COL5A1: variants seen among roughly 807,000 people sequenced by gnomAD.
COL5A1 encodes collagen alpha-1(V) chain.
In COL5A1, 16 loss-of-function variants were observed where a neutral mutation model predicts 263.7. The ratio of observed to expected loss-of-function variants is 0.06; its 90% confidence interval spans 0.04 to 0.09. COL5A1 has a LOEUF of 0.09. Among genes scored for constraint, COL5A1 ranks in the 10% least tolerant of loss-of-function variants. The probability of loss-of-function intolerance (pLI) is 1.00; values close to 1 mark genes in which losing one functional copy is unlikely to be tolerated. For missense variants in COL5A1, 2,036 were observed against 2,540.5 expected (o/e 0.80, Z 4.27); for synonymous variants, 1,012 against 1,004.5 (o/e 1.01, Z -0.14).
chr9:134,678,171 G>C lies in COL5A1; in HGVS notation c.110-12741G>C, dbSNP rs968120210. On this transcript the variant is annotated intron_variant, in intron 1 of 65. Transcript: ENST00000371817. The surrounding 1 kb of genome is among the most constrained non-coding windows in gnomAD (Gnocchi z 5.5). ...CAGAGGAAAGATTTTGGACCCAAAT[G>C]GATGCTGTCTGAAACTCAGGTGGTC... Among the ~76,000 whole-genome samples the C allele has an allele frequency of 6.6e-6, 1 of 152,224 alleles. No homozygotes were observed. Among genetic ancestry groups the C allele is most frequent in the African/African-American group, 2.4e-5 (1 of 41,452 alleles).
intron 23 of COL5A1, 76 bp downstream of exon 23, chr9:134,767,129 A>G: frequency 6.5e-7 from 1 of 1,546,172 alleles, no homozygotes; most frequent in South Asian, 1.1e-5. Flanking sequence ...GAGCCCTGGG[A>G]GGAAGCGGGG....
At chr9:134,771,200 G>A (rs927147947) in intron 25 of COL5A1, among the ~76,000 whole-genome samples, 4 of 152,264 alleles carry the variant, frequency 2.6e-5, no homozygotes, top group African/African-American at 7.2e-5. Flanking sequence ...GTCCAGAGCC[G>A]GGCTCTCGGC....
chr9:134,758,193 TC>T lies in COL5A1; in HGVS notation c.1882-48del. On this transcript the variant is annotated intron_variant, in intron 17 of 65. Transcript: ENST00000371817. The surrounding 1 kb of genome is among the most constrained non-coding windows in gnomAD (Gnocchi z 4.1). ...ACTTGGTGGACACCAAGGCGGGGTG[TC>T]CACGTGTGCAGGGTGGCGTCTGAGG... 1 of 1,603,544 alleles carries T rather than the reference TC, an allele frequency of 6.2e-7. No individual in the cohort carries two copies. The highest frequency in any genetic ancestry group is 8.5e-7 in the Non-Finnish European group (1 of 1,170,928).
chr9:134,654,516 G>T (rs1831850560), intron 1 of COL5A1, among the ~76,000 whole-genome samples: 1 of 128,752 alleles, frequency 7.8e-6, no homozygotes, highest in African/African-American at 3.0e-5. Flanking sequence ...TAGGGCTGGA[G>T]GTGTGCAGGG....
chr9:134,811,260 C>A (rs1838510972), intron 44 of COL5A1, 79 bp from the exon 45 acceptor site: 3 of 1,339,796 alleles, frequency 2.2e-6, no homozygotes, highest in Non-Finnish European at 3.2e-6. Flanking sequence ...AGTCCCCGGG[C>A]TCAGGATGCG....
At chr9:134,730,957 G>T (rs551285569) in intron 7 of COL5A1, among the ~76,000 whole-genome samples, 1 of 152,328 alleles carries the variant, frequency 6.6e-6, no homozygotes, top group East Asian at 1.9e-4. Flanking sequence ...AGCTCTGCCC[G>T]AGACCTTGGA....
Position 134,690,323 on chromosome 9 carries a change from A to T in COL5A1, c.110-589A>T, listed in dbSNP as rs546575682. ...CAGGTGGATAATGACGGGGGGATAA[A>T]CTAGGCCAGTGACATCCCCGTGACC... is the stretch of plus-strand genomic sequence containing the variant. On this transcript the variant is annotated intron_variant, in intron 1 of 65. Coordinates refer to ENST00000371817, the MANE Select transcript of COL5A1 (RefSeq NM_000093.5). Among the ~76,000 whole-genome samples, 557 of 152,184 alleles carry T rather than the reference A, an allele frequency of 3.7e-3. 5 individuals are homozygous for T. Among genetic ancestry groups the T allele is most frequent in the Non-Finnish European group, 6.5e-3 (441 of 68,004 alleles).
rs148288567 is a variant in COL5A1 at position 134,730,455 on chromosome 9, G to A, written c.1144G>A (p.Asp382Asn). 15 of 1,613,968 alleles carry A rather than the reference G, an allele frequency of 9.3e-6. No homozygotes were observed. The highest frequency in any genetic ancestry group is 3.3e-5 in the South Asian group (3 of 91,086). Reference sequence around the variant, plus strand: ...GGCCGAAATTCCCACCAGCACCGCCGACACCTCCAACTCCTCCAATGTAAT... The same window carrying A: ...GGCCGAAATTCCCACCAGCACCGCCAACACCTCCAACTCCTCCAATGTAAT... ...AGAEIPTSTA[D>N]TSNSSNPAPP... is the part of the protein sequence containing the mutation. The change falls in exon 7 of 66, where the codon GAC (aspartate) becomes AAC (asparagine). Residue 382 changes from aspartate to asparagine, a missense_variant. Asp to Asn is a conservative substitution (Grantham distance 23, BLOSUM62 1). Transcript: ENST00000371817.
Position 134,696,863 on chromosome 9 carries a change from G to A in COL5A1, c.278-3046G>A, listed in dbSNP as rs1182136357. ...AGGCAGGCGGATCACGAGGTCAGGAGATCGAGACCATCCTGGCTAACACGG... is the reference window on the plus strand; with the variant it reads ...AGGCAGGCGGATCACGAGGTCAGGAAATCGAGACCATCCTGGCTAACACGG... On this transcript the variant is annotated intron_variant, in intron 2 of 65. Transcript: ENST00000371817. This position sits in a 1 kb window ranked among gnomAD's most constrained non-coding sequence, Gnocchi z 4.3. 6.6e-6 allele frequency among the ~76,000 whole-genome samples: 1 copy of A among 152,162 alleles called. No individual in the cohort carries two copies. The highest frequency in any genetic ancestry group is 2.4e-5 in the African/African-American group (1 of 41,426).
Position 134,818,827 on chromosome 9 carries a change from C to A in COL5A1, c.4339-21C>A, listed in dbSNP as rs951884967. On this transcript the variant is annotated intron_variant, in intron 55 of 65. Transcript: ENST00000371817. This position sits in a 1 kb window ranked among gnomAD's most constrained non-coding sequence, Gnocchi z 6.0. ...AGGGACGGGGGACCAGCAACTCATG[C>A]AGAGCGTCTCTGTGTTTCAGGGAGA... The A allele has an allele frequency of 4.3e-6, 7 of 1,613,130 alleles. No individual in the cohort carries two copies. Among genetic ancestry groups the A allele is most frequent in the Non-Finnish European group, 3.4e-6 (4 of 1,179,862 alleles).
At position 134,815,594 on chromosome 9, in the gene COL5A1, G is replaced by A; in HGVS notation, c.4033G>A (p.Gly1345Arg). 1 of 1,613,748 alleles carries A rather than the reference G, an allele frequency of 6.2e-7. No individual in the cohort carries two copies. The highest frequency in any genetic ancestry group is 8.5e-7 in the Non-Finnish European group (1 of 1,179,912). The change falls in exon 51 of 66, where the codon GGA (glycine) becomes AGA (arginine). Residue 1345 changes from glycine (G) to arginine (R), a missense_variant. By Grantham distance (125) the Gly-to-Arg change is moderately radical (BLOSUM62 -2). Transcript: ENST00000371817. ...CTTTCAGGGCCCAGTGGGTTTTCCTGGAGATCCTGGCCCCCCCGGAGAGCC... is the reference window on the plus strand; with the variant it reads ...CTTTCAGGGCCCAGTGGGTTTTCCTAGAGATCCTGGCCCCCCCGGAGAGCC... ...KGSPGPVGFP[G>R]DPGPPGEPGP...
At chr9:134,779,612 T>C (rs945171751) in intron 27 of COL5A1, among the ~76,000 whole-genome samples, 11 of 152,278 alleles carry the variant, frequency 7.2e-5, no homozygotes, top group African/African-American at 2.4e-4. Context: ...AGGTAAGGGT[T>C]GTCGTCCTCT....
At chr9:134,712,953 C>T (rs1834118731) in intron 4 of COL5A1, among the ~76,000 whole-genome samples, 2 of 152,142 alleles carry the variant, frequency 1.3e-5, no homozygotes, top group Admixed American at 1.3e-4. Context: ...GACCAGGCTG[C>T]AGCCGGGGAC....
chr9:134,807,004 G>A lies in COL5A1; in HGVS notation c.3366+708G>A, dbSNP rs972793227. On this transcript the variant is annotated intron_variant, in intron 42 of 65. Transcript: ENST00000371817. Reference sequence around the variant, plus strand: ...GTCTCCAAGAAGGAGATGAGCGAGCGCCCTTTTTGCCTAGATGCTTCCTGC... The same window carrying A: ...GTCTCCAAGAAGGAGATGAGCGAGCACCCTTTTTGCCTAGATGCTTCCTGC... Among the ~76,000 whole-genome samples the A allele has an allele frequency of 3.9e-5, 6 of 152,252 alleles. No homozygotes were observed. In the South Asian group the frequency reaches 8.3e-4, roughly 21 times the overall value.
intron 36 of COL5A1, among the ~76,000 whole-genome samples, chr9:134,798,125 A>G (rs568650541): frequency 3.2e-4 from 48 of 152,332 alleles, no homozygotes; most frequent in South Asian, 1.2e-3. Flanking sequence ...ACCTCAGGAT[A>G]CCAACTGGCC....
Position 134,682,459 on chromosome 9 carries a change from C to T in COL5A1, c.110-8453C>T, listed in dbSNP as rs904231119. Among the ~76,000 whole-genome samples, 10 of 152,260 alleles carry T rather than the reference C, an allele frequency of 6.6e-5. No individual in the cohort carries two copies. The highest frequency in any genetic ancestry group is 1.7e-4 in the African/African-American group (7 of 41,536). ...CCAGAGACCCTGACCCCAGGACCGA[C>T]GGAGCCAGCCCAGTGCCAGGGACAG... On this transcript the variant is annotated intron_variant, in intron 1 of 65. Transcript: ENST00000371817. This position sits in a 1 kb window ranked among gnomAD's most constrained non-coding sequence, Gnocchi z 5.1.
At chr9:134,663,702 TG>T (rs1832276529) in intron 1 of COL5A1, among the ~76,000 whole-genome samples, 1 of 152,182 alleles carries the variant, frequency 6.6e-6, no homozygotes, top group South Asian at 2.1e-4. Flanking sequence ...TGGTGGCGGA[TG>T]GGGAACGCCT....
chr9:134,801,054 G>A (rs1838094634), intron 37 of COL5A1, among the ~76,000 whole-genome samples: 1 of 152,236 alleles, frequency 6.6e-6, no homozygotes, highest in South Asian at 2.1e-4. Context: ...AGAAGCTTAT[G>A]TTGCCTTAAG....
chr9:134,760,080 A>C (rs1156277194), intron 18 of COL5A1, among the ~76,000 whole-genome samples: 3 of 109,980 alleles, frequency 2.7e-5, no homozygotes, highest in Admixed American at 9.7e-5. Context: ...ACATGCACAC[A>C]CGCATACACG....
Sources: gnomAD v4.1 joint callset for allele counts (sites outside exome capture counted in the v4.1 genomes callset) on GRCh38, gnomAD v4.1.1 for gene constraint, Gnocchi (gnomAD v3.1) non-coding constraint, MANE v1.5 for transcripts, NCBI Gene and HGNC (gene_info 2026-07-23, HGNC 2026-07-21) for gene names.